The following STARD8 variants were observed in gnomAD, a reference collection of about 807,000 sequenced individuals.
STARD8 encodes stAR-related lipid transfer protein 8.
In STARD8, 25 loss-of-function variants were observed where a neutral mutation model predicts 69.4. The observed-to-expected ratio is 0.36, with a 90% CI of 0.26 to 0.50. STARD8 has a LOEUF of 0.50. Ranked by LOEUF, STARD8 falls within the 20% of genes least tolerant of loss-of-function variation. The probability of loss-of-function intolerance (pLI) is 0.96; values close to 1 mark genes in which losing one functional copy is unlikely to be tolerated. For missense variants in STARD8, 921 were observed against 932.5 expected (o/e 0.99, Z 0.16); for synonymous variants, 389 against 374.6 (o/e 1.04, Z -0.45).
intron 1 of STARD8, among the ~76,000 whole-genome samples, chrX:68,656,756 G>A (rs908246367): frequency 7.2e-5 from 8 of 110,812 alleles, no homozygotes; most frequent in Non-Finnish European, 1.3e-4. Flanking sequence ...ACTATCTCAA[G>A]GACAAAAAAC....
chrX:68,719,119 AT>A, intron 6 of STARD8, 105 bp from the exon 7 acceptor site: 1 of 964,257 alleles, frequency 1.0e-6, no homozygotes, highest in Non-Finnish European at 1.4e-6. Flanking sequence ...AGCTCCCTGC[AT>A]TTTTTCTTTG....
intron 2 of STARD8, among the ~76,000 whole-genome samples, chrX:68,701,806 A>G (rs2079968401): frequency 9.0e-6 from 1 of 111,626 alleles, no homozygotes; most frequent in Non-Finnish European, 1.9e-5. Flanking sequence ...ACATTTGAAT[A>G]TGCTCTCTTG....
intron 2 of STARD8, among the ~76,000 whole-genome samples, chrX:68,682,290 C>T (rs151308391): frequency 0.017 from 1,881 of 112,396 alleles, 25 homozygotes; most frequent in African/African-American, 0.05. Flanking sequence ...TGAAGCACTG[C>T]GCCCAGTGCA....
intron 2 of STARD8, among the ~76,000 whole-genome samples, chrX:68,672,252 C>A (rs989574221): frequency 9.0e-6 from 1 of 111,657 alleles, no homozygotes; most frequent in African/African-American, 3.3e-5. Flanking sequence ...GGCCAATCTG[C>A]TGTCATTTAG....
intron 2 of STARD8, among the ~76,000 whole-genome samples, chrX:68,686,471 G>A (rs2079833341): frequency 8.9e-6 from 1 of 112,622 alleles, no homozygotes; most frequent in African/African-American, 3.2e-5. Flanking sequence ...GGGGTCCGGC[G>A]TTGCGGTTCC....
intron 2 of STARD8, among the ~76,000 whole-genome samples, chrX:68,698,300 G>C (rs1409968301): frequency 9.0e-6 from 1 of 111,315 alleles, no homozygotes; most frequent in Admixed American, 9.6e-5. Flanking sequence ...GGGTAGGGGG[G>C]TGTTTCTAGG....
At chrX:68,693,872 C>G in intron 2 of STARD8, 3 of 725,094 alleles carry the variant, frequency 4.1e-6, no homozygotes, top group Non-Finnish European at 4.9e-6. Flanking sequence ...CAAACGGGGG[C>G]GCCTGGGGCT....
chrX:68,684,951 C>G (rs916926386), intron 2 of STARD8, among the ~76,000 whole-genome samples: 3 of 112,221 alleles, frequency 2.7e-5, no homozygotes, highest in African/African-American at 9.7e-5. Flanking sequence ...CACCATTGCC[C>G]TGGGGAAAAG....
chrX:68,680,322 G>A (rs774381599), intron 2 of STARD8, among the ~76,000 whole-genome samples: 2 of 111,869 alleles, frequency 1.8e-5, no homozygotes, highest in East Asian at 5.7e-4. Flanking sequence ...TCTGTCCCAC[G>A]TGGGGCAGGC....
At chrX:68,664,680 T>G (rs756581282) in intron 1 of STARD8, among the ~76,000 whole-genome samples, 1 of 111,745 alleles carries the variant, frequency 8.9e-6, no homozygotes, top group Non-Finnish European at 1.9e-5. Context: ...TCTTTAAAAG[T>G]TTCTCCTTCT....
chrX:68,660,630 C>A (rs768470207), intron 1 of STARD8, among the ~76,000 whole-genome samples: 16 of 112,530 alleles, frequency 1.4e-4, no homozygotes, highest in Non-Finnish European at 2.4e-4. Flanking sequence ...TCTAAGAAAC[C>A]AGCCTGTGTC....
intron 2 of STARD8, among the ~76,000 whole-genome samples, chrX:68,705,663 C>T (rs2080000855): frequency 8.9e-6 from 1 of 112,530 alleles, no homozygotes; most frequent in Admixed American, 9.3e-5. Flanking sequence ...CAGAGGCCAA[C>T]CCTCAGGATC....
Position 68,718,399 on chromosome X carries a change from G to A in STARD8, c.1485G>A (p.Gln495=). 8.3e-7 allele frequency: 1 copy of A among 1,209,776 alleles called. No individual in the cohort carries two copies. Among genetic ancestry groups the A allele is most frequent in the Non-Finnish European group, 1.1e-6 (1 of 894,558 alleles). Residue 495 remains glutamine (Q), a synonymous_variant, in exon 6 of 15, where the codon CAG becomes CAA. Coordinates refer to ENST00000374599, the MANE Select transcript of STARD8 (RefSeq NM_001142503.3). ...CAGCCCCGGCCCCGGCCCCAGCCCA[G>A]GACAGTGAGCAGGAGGCACATTCAG... ...PAPAPAPAPA[Q]DSEQEAHSGG...
intron 1 of STARD8, among the ~76,000 whole-genome samples, chrX:68,658,011 G>C (rs774859907): frequency 9.0e-6 from 1 of 110,775 alleles, no homozygotes; most frequent in African/African-American, 3.3e-5. Flanking sequence ...CTATGGTGGA[G>C]GTTGGGGGAG....
chrX:68,688,250 C>G (rs58927253), intron 2 of STARD8, among the ~76,000 whole-genome samples: 6,983 of 110,650 alleles, frequency 0.063, 504 homozygotes, highest in African/African-American at 0.21. Context: ...ATGCCCTCTC[C>G]GATGTCATCC....
At chrX:68,652,831 C>T (rs1602533561) in intron 1 of STARD8, among the ~76,000 whole-genome samples, 3 of 37,692 alleles carry the variant, frequency 8.0e-5, no homozygotes, top group Admixed American at 3.3e-4. Context: ...ACACCCCACA[C>T]CCCACACACA....
chrX:68,660,204 T>G (rs761113915), intron 1 of STARD8, among the ~76,000 whole-genome samples: 3 of 111,311 alleles, frequency 2.7e-5, no homozygotes, highest in Non-Finnish European at 5.7e-5. Context: ...CTTCTAGAAT[T>G]TATTGCTTCC....
chrX:68,681,910 A>G (rs2079803197), intron 2 of STARD8, among the ~76,000 whole-genome samples: 1 of 111,750 alleles, frequency 8.9e-6, no homozygotes, highest in Admixed American at 9.5e-5. Flanking sequence ...TGGGGGAAAG[A>G]AAACCTCAAA....
chrX:68,680,043 C>A (rs938993882), intron 2 of STARD8, among the ~76,000 whole-genome samples: 1 of 112,185 alleles, frequency 8.9e-6, no homozygotes, highest in African/African-American at 3.2e-5. Context: ...GCGTCGCCAA[C>A]TTTTGTCTCT....
Sources: allele counts gnomAD v4.1 joint callset (sites outside exome capture counted in the v4.1 genomes callset), GRCh38; gene constraint gnomAD v4.1.1; transcripts MANE v1.5; gene names NCBI Gene and HGNC (gene_info 2026-07-23, HGNC 2026-07-21).